Variants in RCOR1 observed in about 807,000 individuals in gnomAD.
RCOR1 encodes the protein REST corepressor 1.
Under a neutral mutation model 64.0 loss-of-function variants are expected in RCOR1, and 12 were observed. That is an observed-to-expected ratio of 0.19 (90% CI 0.12 to 0.30). The LOEUF is 0.30. Among genes scored for constraint, RCOR1 ranks in the 10% least tolerant of loss-of-function variants. The pLI is 1.00. For synonymous variants in RCOR1, 279 were observed against 227.2 expected, an observed-to-expected ratio of 1.23 and a Z score of -2.05; for missense variants, 502 against 621.2, an observed-to-expected ratio of 0.81 and a Z score of 2.04.
intron 2 of RCOR1, among the ~76,000 whole-genome samples, chr14:102,633,117 T>C (rs1431797900): frequency 1.3e-5 from 2 of 151,908 alleles, no homozygotes; most frequent in African/African-American, 4.8e-5. Context: ...GCCAGCTGTT[T>C]TCAACCTATA....
chr14:102,602,181 T>C (rs550858116), intron 2 of RCOR1, among the ~76,000 whole-genome samples: 2 of 151,530 alleles, frequency 1.3e-5, no homozygotes, highest in South Asian at 2.1e-4. Context: ...AAAGTGATAA[T>C]ATGTTTTCTT....
Position 102,708,322 on chromosome 14 carries a change from C to T in RCOR1, c.661-143C>T, listed in dbSNP as rs1279284513. 1.6e-5 allele frequency: 9 copies of T among 567,148 alleles called. No individual in the cohort carries two copies. The Middle Eastern group carries it at 1.6e-3, about 101-fold the overall frequency. 35.1% of individuals were successfully genotyped at this position (567,148 alleles called of 1,614,324 possible). ...TCACCATATTAGCCAGGATGGTCTC[C>T]ATCTCCTGACCTCGTGATCCGCCTG... On this transcript the variant is annotated intron_variant, in intron 5 of 11. Coordinates refer to ENST00000262241, the MANE Select transcript of RCOR1 (RefSeq NM_015156.4).
At position 102,621,464 on chromosome 14, in the gene RCOR1, C is replaced by T. The variant is rs1595198057; in HGVS notation, c.361+28139C>T. On this transcript the variant is annotated intron_variant, in intron 2 of 11. Coordinates refer to ENST00000262241, the MANE Select transcript of RCOR1 (RefSeq NM_015156.4). ...AATCACAGCTTACTGCAGCCTTGAACTCCTGGGCTCAAATGATCCTCCCAC... is the reference window on the plus strand; with the variant it reads ...AATCACAGCTTACTGCAGCCTTGAATTCCTGGGCTCAAATGATCCTCCCAC... Among the ~76,000 whole-genome samples, 3 of 147,580 alleles carry T rather than the reference C, an allele frequency of 2.0e-5. No homozygotes were observed. In the East Asian group the frequency reaches 6.2e-4, roughly 30 times the overall value.
chr14:102,604,848 T>C (rs1265054152), intron 2 of RCOR1, among the ~76,000 whole-genome samples: 1 of 151,914 alleles, frequency 6.6e-6, no homozygotes, highest in Non-Finnish European at 1.5e-5. Flanking sequence ...TTTGGGAGGC[T>C]GAGGCAGGTG....
At chr14:102,723,438 C>T (rs1896201421) in intron 11 of RCOR1, among the ~76,000 whole-genome samples, 1 of 152,186 alleles carries the variant, frequency 6.6e-6, no homozygotes, top group Non-Finnish European at 1.5e-5. Context: ...AAGGCACAGC[C>T]ATCTGTAAGA....
At chr14:102,617,354 C>T (rs1291873932) in intron 2 of RCOR1, among the ~76,000 whole-genome samples, 1 of 152,172 alleles carries the variant, frequency 6.6e-6, no homozygotes, top group Non-Finnish European at 1.5e-5. Flanking sequence ...TATGGTATGT[C>T]TGTTGCCTTG....
chr14:102,630,957 C>T (rs1030690359), intron 2 of RCOR1, among the ~76,000 whole-genome samples: 6 of 151,940 alleles, frequency 3.9e-5, no homozygotes, highest in Non-Finnish European at 5.9e-5. Flanking sequence ...TGTAGTCTCA[C>T]GACCTCTCCT....
At chr14:102,605,067 CAAAAAAAAAAAA>C (rs71119718) in intron 2 of RCOR1, among the ~76,000 whole-genome samples, 2 of 93,996 alleles carry the variant, frequency 2.1e-5, no homozygotes, top group African/African-American at 4.2e-5. Flanking sequence ...TATTCCATCT[CAAAAAAAAAAAA>C]AAAAAAAAAA....
chr14:102,692,768 C>CTTTCT (rs1378695343), intron 3 of RCOR1, among the ~76,000 whole-genome samples: 9 of 111,928 alleles, frequency 8.0e-5, no homozygotes, highest in African/African-American at 2.8e-4. Flanking sequence ...TTTTCTTTTT[C>CTTTCT]TTTTTTTTTT....
At chr14:102,638,527 G>A (rs1437081318) in intron 2 of RCOR1, among the ~76,000 whole-genome samples, 2 of 152,018 alleles carry the variant, frequency 1.3e-5, no homozygotes, top group African/African-American at 2.4e-5. Flanking sequence ...TGTATTTTCA[G>A]TAGAGATGGG....
intron 2 of RCOR1, among the ~76,000 whole-genome samples, chr14:102,628,547 A>G (rs920512910): frequency 2.0e-5 from 3 of 151,894 alleles, no homozygotes; most frequent in African/African-American, 7.3e-5. Flanking sequence ...CCAAAAAAAA[A>G]AAAAGCCTTA....
intron 7 of RCOR1, among the ~76,000 whole-genome samples, chr14:102,712,352 T>A (rs1895977864): frequency 2.0e-5 from 3 of 149,874 alleles, no homozygotes; most frequent in Non-Finnish European, 3.0e-5. Context: ...CCTGCTAGGT[T>A]TTTTTTTTTG....
At chr14:102,614,415 G>A (rs1402431168) in intron 2 of RCOR1, among the ~76,000 whole-genome samples, 7 of 151,364 alleles carry the variant, frequency 4.6e-5, no homozygotes, top group Non-Finnish European at 1.0e-4. Flanking sequence ...TAGTAGAGAC[G>A]GGGTTTCACC....
chr14:102,692,978 C>A (rs1444645771), intron 3 of RCOR1, among the ~76,000 whole-genome samples: 1 of 152,000 alleles, frequency 6.6e-6, no homozygotes, highest in Non-Finnish European at 1.5e-5. Flanking sequence ...GTTGGCCAGG[C>A]TGGTCTTGAA....
At position 102,722,239 on chromosome 14, in the gene RCOR1, C is replaced by T; in HGVS notation, c.1242C>T (p.Asn414=). 6.2e-7 allele frequency: 1 copy of T among 1,614,146 alleles called. No individual in the cohort carries two copies. Among genetic ancestry groups the T allele is most frequent in the Non-Finnish European group, 8.5e-7 (1 of 1,180,020 alleles). The change falls in exon 11 of 12, where the codon AAC becomes AAT. Residue 414 remains asparagine, a synonymous_variant. Coordinates refer to ENST00000262241, the MANE Select transcript of RCOR1 (RefSeq NM_015156.4). ...AGGCAATCTCAGACGTGATTGGGAA[C>T]AAATCAGTGGTACAAGTGAAAAACT... The part of the protein sequence containing the change: ...DFQAISDVIG[N]KSVVQVKNFF...
At chr14:102,697,761 C>T (rs575739375) in intron 3 of RCOR1, among the ~76,000 whole-genome samples, 3 of 150,118 alleles carry the variant, frequency 2.0e-5, no homozygotes, top group Non-Finnish European at 4.4e-5. Context: ...CGCTCTGTTG[C>T]CCAGGTTGGA....
intron 3 of RCOR1, among the ~76,000 whole-genome samples, chr14:102,685,693 G>T (rs965700720): frequency 6.6e-6 from 1 of 152,138 alleles, no homozygotes; most frequent in East Asian, 1.9e-4. Flanking sequence ...TGAGTGCGGT[G>T]TCTCACCCCT....
intron 2 of RCOR1, among the ~76,000 whole-genome samples, chr14:102,637,543 T>A (rs918094642): frequency 1.3e-5 from 2 of 152,144 alleles, no homozygotes; most frequent in East Asian, 3.9e-4. Context: ...CTTGGCCTCC[T>A]GGGCTTAGGT....
chr14:102,653,154 C>T (rs891945090), intron 2 of RCOR1, among the ~76,000 whole-genome samples: 8 of 152,004 alleles, frequency 5.3e-5, no homozygotes, highest in African/African-American at 1.9e-4. Flanking sequence ...GATCTCTTGA[C>T]CTCATGATCT....
Sources: allele counts gnomAD v4.1 joint callset (sites outside exome capture counted in the v4.1 genomes callset), GRCh38; gene constraint gnomAD v4.1.1; transcripts MANE v1.5; gene names NCBI Gene and HGNC (gene_info 2026-07-23, HGNC 2026-07-21).